CDYL: variants seen among roughly 807,000 people sequenced by gnomAD.
The protein encoded by CDYL is chromodomain Y-like protein.
CDYL carries 8 observed loss-of-function variants against 47.3 expected under a neutral mutation model. The observed-to-expected ratio is 0.17, with a 90% CI of 0.10 to 0.31. The LOEUF is 0.31. Ranked by LOEUF, CDYL falls within the 10% of genes least tolerant of loss-of-function variation. The pLI, the probability that CDYL is intolerant of heterozygous loss-of-function variation, is 1.00. For missense variants in CDYL, 471 were observed against 701.4 expected (o/e 0.67, Z 3.71); for synonymous variants, 266 against 265.0 (o/e 1.00, Z -0.04).
rs1334428098 is a variant in CDYL, at chr6:4,896,780, A to G, written c.691+4401A>G. Among the ~76,000 whole-genome samples, 5 of 152,354 alleles carry G rather than the reference A, an allele frequency of 3.3e-5. No homozygotes were observed. In the East Asian group the frequency reaches 9.6e-4, roughly 29 times the overall value. On this transcript the variant is annotated intron_variant, in intron 2 of 6. Coordinates refer to ENST00000397588, the MANE Select transcript of CDYL (RefSeq NM_004824.4). ...TTGTTTTTCTAAAACTAATTGAAGT[A>G]GATACTGGTGGAGTCATTGGGAAAC...
intron 2 of CDYL, among the ~76,000 whole-genome samples, chr6:4,726,105 T>C (rs1757508130): frequency 6.6e-6 from 1 of 152,116 alleles, no homozygotes; most frequent in African/African-American, 2.4e-5. Flanking sequence ...TAATCCAAGA[T>C]TTAGAGGTTA....
chr6:4,930,215 C>G (rs1247098567), intron 2 of CDYL, among the ~76,000 whole-genome samples: 1 of 152,172 alleles, frequency 6.6e-6, no homozygotes, highest in African/African-American at 2.4e-5. Flanking sequence ...GGTAATTGTT[C>G]TTTCCTCAAA....
intron 3 of CDYL, among the ~76,000 whole-genome samples, chr6:4,739,788 A>G (rs1036725379): frequency 1.3e-5 from 2 of 151,464 alleles, no homozygotes; most frequent in African/African-American, 4.9e-5. Context: ...CCCCGTCTCT[A>G]CTAAAAAATA....
chr6:4,933,705 A>G (rs886118281), intron 2 of CDYL, among the ~76,000 whole-genome samples: 12 of 152,298 alleles, frequency 7.9e-5, no homozygotes, highest in Admixed American at 7.8e-4. Flanking sequence ...AGGACTCAGC[A>G]ACACCTTTGC....
intron 1 of CDYL, among the ~76,000 whole-genome samples, chr6:4,872,462 A>C (rs913044317): frequency 6.6e-6 from 1 of 151,506 alleles, no homozygotes; most frequent in African/African-American, 2.4e-5. Context: ...GCTCACTGCA[A>C]CCTCCGCCTC....
chr6:4,718,436 C>A (rs1427069996), intron 2 of CDYL: 1 of 151,926 alleles, frequency 6.6e-6, no homozygotes, highest in Non-Finnish European at 1.5e-5. Context: ...TGCCATGACG[C>A]CCAGCTGATT....
intron 2 of CDYL, among the ~76,000 whole-genome samples, chr6:4,896,470 T>G (rs1762287464): frequency 6.6e-6 from 1 of 152,180 alleles, no homozygotes; most frequent in South Asian, 2.1e-4. Flanking sequence ...TGGGTGCGCA[T>G]GGAAGACAAG....
chr6:4,874,766 C>T (rs1374082918), intron 1 of CDYL, among the ~76,000 whole-genome samples: 1 of 152,208 alleles, frequency 6.6e-6, no homozygotes, highest in Non-Finnish European at 1.5e-5. Flanking sequence ...TGTCCCTTTC[C>T]ACAGGTGGGT....
intron 5 of CDYL, among the ~76,000 whole-genome samples, chr6:4,948,557 A>G (rs1209568171): frequency 1.3e-5 from 2 of 152,172 alleles, no homozygotes; most frequent in African/African-American, 4.8e-5. Flanking sequence ...CTGGGGAACA[A>G]TGTCTGGAGA....
intron 1 of CDYL, among the ~76,000 whole-genome samples, chr6:4,712,552 G>A (rs1211684756): frequency 1.3e-5 from 2 of 152,208 alleles, no homozygotes; most frequent in East Asian, 1.9e-4. Flanking sequence ...GGCACAAGCC[G>A]AAGGACACTT....
intron 5 of CDYL, among the ~76,000 whole-genome samples, chr6:4,949,664 C>T (rs138099350): frequency 6.6e-6 from 1 of 152,184 alleles, no homozygotes; most frequent in Non-Finnish European, 1.5e-5. Context: ...CCACCGCCTG[C>T]ATCTGTGTGA....
At chr6:4,920,468 C>T (rs1475334389) in intron 2 of CDYL, among the ~76,000 whole-genome samples, 1 of 152,174 alleles carries the variant, frequency 6.6e-6, no homozygotes, top group African/African-American at 2.4e-5. Flanking sequence ...CCCAGTGAGA[C>T]GGGACTCTGC....
chr6:4,891,950 A>G lies in CDYL; in HGVS notation c.262A>G (p.Asn88Asp). The change falls in exon 2 of 7, where the codon AAC (asparagine) becomes GAC (aspartate). Residue 88 changes from asparagine (N) to aspartate (D), a missense_variant. Physicochemically the swap from Asn to Asp is conservative, Grantham distance 23 (BLOSUM62 1). Transcript: ENST00000397588. ...TAGGAAACAAATCTCCAGATCCACCAACAGCAACTTTTCTAAGACCTCTCC... is the reference window on the plus strand; with the variant it reads ...TAGGAAACAAATCTCCAGATCCACCGACAGCAACTTTTCTAAGACCTCTCC... ...NARKQISRST[N>D]SNFSKTSPKA... 9 of 1,614,192 alleles carry G rather than the reference A, an allele frequency of 5.6e-6. No individual in the cohort carries two copies. The highest frequency in any genetic ancestry group is 7.6e-6 in the Non-Finnish European group (9 of 1,180,032).
intron 1 of CDYL, among the ~76,000 whole-genome samples, chr6:4,798,386 G>C (rs919681321): frequency 6.6e-6 from 1 of 152,164 alleles, no homozygotes; most frequent in Non-Finnish European, 1.5e-5. Flanking sequence ...CTGGAGATAA[G>C]TTTATTGGTT....
intron 2 of CDYL, among the ~76,000 whole-genome samples, chr6:4,901,609 A>G (rs1169109289): frequency 1.3e-5 from 2 of 152,212 alleles, no homozygotes; most frequent in Non-Finnish European, 2.9e-5. Flanking sequence ...TTGGTGGGAA[A>G]CTAGACTCTA....
At chr6:4,817,440 G>C (rs1407148070) in intron 1 of CDYL, among the ~76,000 whole-genome samples, 2 of 151,696 alleles carry the variant, frequency 1.3e-5, no homozygotes, top group African/African-American at 4.9e-5. Flanking sequence ...GGCAGTACCT[G>C]AGTGACCATC....
At chr6:4,776,840 CCCGCCCG>C (rs1481134905) in intron 1 of CDYL, 33 bp downstream of exon 1, 28 of 828,200 alleles carry the variant, frequency 3.4e-5, no homozygotes, top group Non-Finnish European at 3.9e-5. Flanking sequence ...CGGGCCGCCC[CCCGCCCG>C]CCGCCCCTCC....
chr6:4,935,401 T>C, intron 2 of CDYL, 114 bp from the exon 3 acceptor site: 4 of 911,836 alleles, frequency 4.4e-6, no homozygotes, highest in Non-Finnish European at 5.1e-6. Flanking sequence ...AATATTCTTA[T>C]ATTCGTTTAA....
intron 1 of CDYL, among the ~76,000 whole-genome samples, chr6:4,779,060 T>C (rs1758543532): frequency 6.6e-6 from 1 of 152,196 alleles, no homozygotes; most frequent in Non-Finnish European, 1.5e-5. Context: ...GATTGTATGG[T>C]AACTGGCTTA....
Sources: gnomAD v4.1 joint callset for allele counts (sites outside exome capture counted in the v4.1 genomes callset) on GRCh38, gnomAD v4.1.1 for gene constraint, MANE v1.5 for transcripts, NCBI Gene and HGNC (gene_info 2026-07-23, HGNC 2026-07-21) for gene names.